The following SSX2IP variants were observed in gnomAD, a reference collection of about 807,000 sequenced individuals.
The protein encoded by SSX2IP is SSX family member 2 interacting protein.
Under a neutral mutation model 84.9 loss-of-function variants are expected in SSX2IP, and 55 were observed. The ratio of observed to expected loss-of-function variants is 0.65; its 90% confidence interval spans 0.52 to 0.81. SSX2IP has a LOEUF of 0.81. SSX2IP is among the 30% of genes least tolerant of loss of function. The probability of loss-of-function intolerance (pLI) is 0.00; values close to 1 mark genes in which losing one functional copy is unlikely to be tolerated. For synonymous variants in SSX2IP, 239 were observed against 234.7 expected, an observed-to-expected ratio of 1.02 and a Z score of -0.17; for missense variants, 664 against 705.2, an observed-to-expected ratio of 0.94 and a Z score of 0.66.
intron 13 of SSX2IP, among the ~76,000 whole-genome samples, chr1:84,647,859 A>G (rs1649674280): frequency 6.6e-6 from 1 of 152,084 alleles, no homozygotes; most frequent in Non-Finnish European, 1.5e-5. Context: ...TAGCCTGAGT[A>G]ACATGGTGAA....
intron 1 of SSX2IP, among the ~76,000 whole-genome samples, chr1:84,689,370 C>T (rs1570765979): frequency 6.6e-6 from 1 of 152,176 alleles, no homozygotes; most frequent in Non-Finnish European, 1.5e-5. Flanking sequence ...AGGTCCATGA[C>T]ATCCATCACC....
chr1:84,655,431 G>A (rs1417005440), intron 11 of SSX2IP: 3 of 1,290,404 alleles, frequency 2.3e-6, no homozygotes, highest in South Asian at 1.2e-5. Context: ...TGATGGACTG[G>A]GGAGAAGAGA....
At chr1:84,670,923 GATATA>G (rs1363185621) in intron 2 of SSX2IP, 108 bp from the exon 3 acceptor site, 3 of 828,604 alleles carry the variant, frequency 3.6e-6, no homozygotes, top group East Asian at 2.8e-5. Flanking sequence ...TATAAACATA[GATATA>G]ATATATACAT....
In SSX2IP at chr1:84,645,586, G is replaced by C. The variant is rs1649370278; in HGVS notation, c.*1847C>G. The C allele has an allele frequency of 6.6e-6, 1 of 152,154 alleles. No homozygotes were observed. Among genetic ancestry groups the C allele is most frequent in the African/African-American group, 2.4e-5 (1 of 41,430 alleles). 9.4% of individuals were successfully genotyped at this position (152,154 alleles called of 1,614,324 possible). On this transcript the variant is annotated 3_prime_UTR_variant, in exon 14 of 14. Transcript: ENST00000342203. ...AATAAGAGATTTACTTTAAAAATTA[G>C]AGTGCTTATTTCTTGCAAAGTACAC...
At chr1:84,685,902 T>C (rs1249626900) in intron 1 of SSX2IP, among the ~76,000 whole-genome samples, 1 of 152,208 alleles carries the variant, frequency 6.6e-6, no homozygotes, top group Non-Finnish European at 1.5e-5. Flanking sequence ...CACAACCAGA[T>C]TACAATTAAC....
intron 1 of SSX2IP, among the ~76,000 whole-genome samples, chr1:84,672,228 G>A (rs988034170): frequency 2.6e-5 from 4 of 152,184 alleles, no homozygotes; most frequent in Non-Finnish European, 5.9e-5. Context: ...GGAAGAGGAG[G>A]AAGGGTGAAG....
At chr1:84,648,371 T>G (rs1017560277) in intron 13 of SSX2IP, among the ~76,000 whole-genome samples, 2 of 152,200 alleles carry the variant, frequency 1.3e-5, no homozygotes, top group Non-Finnish European at 2.9e-5. Context: ...CCACGGATGT[T>G]GTTTAGTGGA....
chr1:84,667,617 ATCAGGAGATGAGGC>A (rs1190481999), intron 4 of SSX2IP, among the ~76,000 whole-genome samples: 1 of 152,062 alleles, frequency 6.6e-6, no homozygotes, highest in African/African-American at 2.4e-5. Context: ...CTTTTACACC[ATCAGGAGATGAGGC>A]TCCAGCCTTA....
In SSX2IP at chr1:84,662,509, A is replaced by T. The variant is rs746136134; in HGVS notation, c.695T>A (p.Val232Asp). 3.1e-6 allele frequency: 5 copies of T among 1,613,852 alleles called. No individual in the cohort carries two copies. The highest frequency in any genetic ancestry group is 3.4e-6 in the Non-Finnish European group (4 of 1,179,920). ...KKIAMDILNY[V>D]GRADGKRGSW... The stretch of plus-strand genomic sequence containing the variant: ...GCCTCTTTTTCCATCAGCTCTCCCG[A>T]CATAATTCAAAATGTCCATAGCTAC... Residue 232 changes from valine to aspartate, a missense_variant, in exon 7 of 14, where the codon GTC becomes GAC. Val to Asp is a radical substitution (Grantham distance 152, BLOSUM62 -3). Transcript: ENST00000342203.
At chr1:84,664,925 T>TAA (rs1557495704) in intron 5 of SSX2IP, among the ~76,000 whole-genome samples, 1 of 152,174 alleles carries the variant, frequency 6.6e-6, no homozygotes, top group African/African-American at 2.4e-5. Context: ...ACTTATACTT[T>TAA]TTATTAATCT....
chr1:84,681,741 G>C (rs993151809), intron 1 of SSX2IP, among the ~76,000 whole-genome samples: 1 of 152,142 alleles, frequency 6.6e-6, no homozygotes, highest in Admixed American at 6.6e-5. Context: ...TCTCGACTTA[G>C]ACAAATCCCA....
intron 1 of SSX2IP, among the ~76,000 whole-genome samples, chr1:84,673,083 T>C (rs1653823642): frequency 6.6e-6 from 1 of 152,218 alleles, no homozygotes; most frequent in Admixed American, 6.5e-5. Flanking sequence ...TATGTGCTAC[T>C]ACGTTTTCCT....
At chr1:84,653,254 T>C (rs1650580483) in intron 11 of SSX2IP, among the ~76,000 whole-genome samples, 1 of 152,158 alleles carries the variant, frequency 6.6e-6, no homozygotes, top group South Asian at 2.1e-4. Context: ...TAATCTATAT[T>C]GTAAATTAGT....
Position 84,662,456 on chromosome 1 carries a change from T to C in SSX2IP, c.748A>G (p.Arg250Gly). ...TTATCAATTTAAACTGGACTTTACC[T>C]GGCTTCAGTTTTACCAGTCCTCCAG... ...GSWRTGKTEA[R>G]NEDEMYKILL... The change falls in exon 7 of 14, where the codon AGG (arginine) becomes GGG (glycine). Residue 250 changes from arginine to glycine, a missense_variant and splice_region_variant. Coordinates refer to ENST00000342203, the MANE Select transcript of SSX2IP (RefSeq NM_001166293.2). 5 of 1,613,918 alleles carry C rather than the reference T, an allele frequency of 3.1e-6. No homozygotes were observed. The highest frequency in any genetic ancestry group is 4.2e-6 in the Non-Finnish European group (5 of 1,179,856).
rs552804057 is a variant in SSX2IP at position 84,651,589 on chromosome 1, G to A, written c.1504+294C>T. Among the ~76,000 whole-genome samples, 7 of 151,844 alleles carry A rather than the reference G, an allele frequency of 4.6e-5. No homozygotes were observed. The South Asian group carries it at 6.3e-4, about 14-fold the overall frequency. ...CTAAAAATACAAAAATTAGCCAGGCGTGGTGGCACATGCCTGTAATCCCAG... is the reference window on the plus strand; with the variant it reads ...CTAAAAATACAAAAATTAGCCAGGCATGGTGGCACATGCCTGTAATCCCAG... On this transcript the variant is annotated intron_variant, in intron 12 of 13. Transcript: ENST00000342203.
chr1:84,689,889 C>T (rs1346611300), intron 1 of SSX2IP, among the ~76,000 whole-genome samples: 1 of 152,222 alleles, frequency 6.6e-6, no homozygotes, highest in Non-Finnish European at 1.5e-5. Flanking sequence ...ACTGCAGCGG[C>T]CACCCAATAA....
chr1:84,658,437 TC>T lies in SSX2IP; in HGVS notation c.958del (p.Glu320AsnfsTer2). 6.2e-7 allele frequency: 1 copy of T among 1,614,092 alleles called. No individual in the cohort carries two copies. On this transcript the variant is annotated frameshift_variant, in exon 9 of 14. Coordinates refer to ENST00000342203, the MANE Select transcript of SSX2IP (RefSeq NM_001166293.2). LOFTEE classifies it high-confidence loss of function. ...VISDVEEDAG[E>X]LSRESMWDLS... The stretch of plus-strand genomic sequence containing the variant: ...GTCCCACATACTCTCTCTGCTTAGT[TC>T]CCCGGCATCTTCTTCAACATCGGAA...
intron 8 of SSX2IP, among the ~76,000 whole-genome samples, chr1:84,659,708 G>A (rs1651646420): frequency 1.3e-5 from 2 of 150,270 alleles, no homozygotes; most frequent in Non-Finnish European, 3.0e-5. Context: ...TGAGGCAGGA[G>A]AATCACTTGA....
In SSX2IP at chr1:84,650,488, G is replaced by A. The variant is rs200560001; in HGVS notation, c.1544C>T (p.Pro515Leu). ...WDNLIVHSRQ[P>L]QKKPHSVSNG... is the part of the protein sequence containing the mutation. ...AGACACACTGTGAGGCTTCTTTTGC[G>A]GCTGCCTCGAGTGCACTATAAGATT... The change falls in exon 13 of 14, where the codon CCG becomes CTG. Residue 515 changes from proline (P) to leucine (L), a missense_variant. By Grantham distance (98) the Pro-to-Leu change is moderately conservative. Transcript: ENST00000342203. 721 of 1,613,980 alleles carry A rather than the reference G, an allele frequency of 4.5e-4. No homozygotes were observed. The highest frequency in any genetic ancestry group is 5.7e-4 in the Non-Finnish European group (672 of 1,180,026).
Sources: gnomAD v4.1 joint callset for allele counts (sites outside exome capture counted in the v4.1 genomes callset) on GRCh38, gnomAD v4.1.1 for gene constraint, MANE v1.5 for transcripts, NCBI Gene and HGNC (gene_info 2026-07-23, HGNC 2026-07-21) for gene names.